FARSB: variants seen among roughly 807,000 people sequenced by gnomAD.
The protein encoded by FARSB is phenylalanine--tRNA ligase beta subunit.
A neutral mutation model predicts 69.6 loss-of-function variants in FARSB; 40 were observed. The ratio of observed to expected loss-of-function variants is 0.57; its 90% CI spans 0.45 to 0.75. The LOEUF (loss-of-function observed/expected upper bound fraction) is 0.75. Among genes scored for constraint, FARSB ranks in the 30% least tolerant of loss-of-function variants. The pLI, the probability that FARSB is intolerant of heterozygous loss-of-function variation, is 0.00. For synonymous variants in FARSB, 235 were observed against 247.2 expected, an observed-to-expected ratio of 0.95 and a Z score of 0.46; for missense variants, 632 against 722.9, an observed-to-expected ratio of 0.87 and a Z score of 1.44.
At chr2:222,612,559 T>C (rs1226819112) in intron 15 of FARSB, among the ~76,000 whole-genome samples, 1 of 152,234 alleles carries the variant, frequency 6.6e-6, no homozygotes, top group Non-Finnish European at 1.5e-5. Context: ...TCTGGAGAAA[T>C]TGAGAATAAG....
At position 222,642,856 on chromosome 2, in the gene FARSB, T is replaced by A. The variant is rs1410648080; in HGVS notation, c.264A>T (p.Lys88Asn). 1 of 1,598,500 alleles carries A rather than the reference T, an allele frequency of 6.3e-7. No homozygotes were observed. Among genetic ancestry groups the A allele is most frequent in the Non-Finnish European group, 8.5e-7 (1 of 1,174,010 alleles). ...EGLVRGLQVF[K>N]ERIKAPVYKR... ...TAAGGAACATATTTCCTTACCTTTCTTTGAAGACCTGAAGTCCTCGAACCA... is the reference window on the plus strand; with the variant it reads ...TAAGGAACATATTTCCTTACCTTTCATTGAAGACCTGAAGTCCTCGAACCA... Residue 88 changes from lysine (K) to asparagine (N), a missense_variant, in exon 3 of 17, where the codon AAA (lysine) becomes AAT (asparagine). By Grantham distance (94) the Lys-to-Asn change is moderately conservative (BLOSUM62 0). Coordinates refer to ENST00000281828, the MANE Select transcript of FARSB (RefSeq NM_005687.5).
chr2:222,585,405 A>G (rs1236834075), intron 16 of FARSB, among the ~76,000 whole-genome samples: 1 of 152,228 alleles, frequency 6.6e-6, no homozygotes, highest in African/African-American at 2.4e-5. Flanking sequence ...TAAAACCACA[A>G]AGATGGGGAG....
chr2:222,580,858 CGG>C (rs1689949978), intron 16 of FARSB, among the ~76,000 whole-genome samples: 1 of 151,966 alleles, frequency 6.6e-6, no homozygotes, highest in African/African-American at 2.4e-5. Context: ...TATAGTGACT[CGG>C]AAGGGGGAAA....
rs1190787128 is a variant in FARSB at position 222,633,275 on chromosome 2, G to T, written c.639C>A (p.Ile213=). ...CTGGATACAGGGGTTTGTTTTCAAT[G>T]ATATGTAAATAATGTTTCAGGTGAT... The part of the protein sequence containing the change: ...TDNHLKHYLH[I]IENKPLYPVI... The change falls in exon 7 of 17, where the codon ATC becomes ATA. Residue 213 remains isoleucine, a synonymous_variant. Coordinates refer to ENST00000281828, the MANE Select transcript of FARSB (RefSeq NM_005687.5). 1.3e-6 allele frequency: 2 copies of T among 1,565,038 alleles called. No homozygotes were observed. Among genetic ancestry groups the T allele is most frequent in the South Asian group, 1.2e-5 (1 of 85,724 alleles).
intron 1 of FARSB, among the ~76,000 whole-genome samples, chr2:222,650,062 A>C (rs1691989638): frequency 6.6e-6 from 1 of 152,220 alleles, no homozygotes; most frequent in East Asian, 1.9e-4. Flanking sequence ...GTTAAGTACA[A>C]GGTACAGGGC....
At chr2:222,628,270 T>C (rs146944748) in intron 10 of FARSB, among the ~76,000 whole-genome samples, 2 of 152,166 alleles carry the variant, frequency 1.3e-5, no homozygotes, top group African/African-American at 4.8e-5. Context: ...CGACAATTTA[T>C]TGTATATTTT....
At chr2:222,580,203 C>T (rs535356088) in intron 16 of FARSB, among the ~76,000 whole-genome samples, 11 of 152,028 alleles carry the variant, frequency 7.2e-5, no homozygotes, top group South Asian at 4.1e-4. Flanking sequence ...TTTGTATTCA[C>T]GTGTCTAAAG....
At chr2:222,615,865 G>C (rs957750743) in intron 14 of FARSB, among the ~76,000 whole-genome samples, 9 of 152,214 alleles carry the variant, frequency 5.9e-5, no homozygotes, top group Admixed American at 5.9e-4. Context: ...TGGAGGGCAA[G>C]TGCCCAAACC....
intron 14 of FARSB, among the ~76,000 whole-genome samples, chr2:222,616,108 C>T (rs142063095): frequency 3.2e-4 from 48 of 152,200 alleles, no homozygotes; most frequent in Non-Finnish European, 2.9e-5. Context: ...GCCATTGGAA[C>T]ATATTCAGCA....
chr2:222,630,613 C>T (rs947283826), intron 8 of FARSB, among the ~76,000 whole-genome samples: 7 of 151,912 alleles, frequency 4.6e-5, no homozygotes, highest in African/African-American at 7.3e-5. Context: ...CTGGTACTTA[C>T]AAAGATTAAA....
chr2:222,640,875 A>C lies in FARSB; in HGVS notation c.326T>G (p.Ile109Ser). 1 of 1,554,234 alleles carries C rather than the reference A, an allele frequency of 6.4e-7. No homozygotes were observed. The highest frequency in any genetic ancestry group is 8.8e-7 in the Non-Finnish European group (1 of 1,135,090). ...TGTCCTTATTACCTCTTCTGTGATA[A>C]TCAATTTCTGGATTTTTCCATCAGG... ...VMPDGKIQKL[I>S]ITEETAKIRP... Residue 109 changes from isoleucine (I) to serine (S), a missense_variant, in exon 4 of 17, where the codon ATT becomes AGT. Transcript: ENST00000281828.
intron 15 of FARSB, among the ~76,000 whole-genome samples, chr2:222,608,011 C>T (rs1574928950): frequency 6.6e-6 from 1 of 151,926 alleles, no homozygotes; most frequent in African/African-American, 2.4e-5. Context: ...ATTATACTCA[C>T]GTTAGCAGAT....
At chr2:222,640,194 G>C (rs923725254) in intron 4 of FARSB, among the ~76,000 whole-genome samples, 10 of 152,168 alleles carry the variant, frequency 6.6e-5, no homozygotes, top group African/African-American at 2.4e-4. Context: ...ACATTTTTTA[G>C]AAGGGTAAGC....
chr2:222,655,870 C>CA, intron 1 of FARSB, 146 bp downstream of exon 1: 1 of 659,148 alleles, frequency 1.5e-6, no homozygotes, highest in Non-Finnish European at 2.8e-6. Context: ...GCCGGACCGC[C>CA]ACCATCATCG....
intron 5 of FARSB, among the ~76,000 whole-genome samples, chr2:222,639,357 A>G (rs1471983352): frequency 6.6e-6 from 1 of 152,218 alleles, no homozygotes; most frequent in Non-Finnish European, 1.5e-5. Flanking sequence ...ATTTACAAGC[A>G]GTAAAAGGTA....
intron 16 of FARSB, among the ~76,000 whole-genome samples, chr2:222,590,548 CA>C (rs377051875): frequency 0.06 from 6,807 of 114,002 alleles, 237 homozygotes; most frequent in African/African-American, 0.15. Flanking sequence ...CCTTTTAGGC[CA>C]AAAAAAAAAA....
intron 16 of FARSB, among the ~76,000 whole-genome samples, chr2:222,595,891 A>T (rs1690400195): frequency 6.6e-6 from 1 of 151,598 alleles, no homozygotes; most frequent in Admixed American, 6.6e-5. Context: ...ACAAAAAATG[A>T]AGGGGAAGAA....
In FARSB at chr2:222,567,030, A is replaced by G. The variant is rs1343352606; in HGVS notation, c.*4841T>C. ...GTGGCCACCATGTTGCTGTGTGGTC[A>G]TATCACCTCTTCTGTATGTGTGCGC... On this transcript the variant is annotated 3_prime_UTR_variant, in exon 17 of 17. Coordinates refer to ENST00000281828, the MANE Select transcript of FARSB (RefSeq NM_005687.5). 6.6e-6 allele frequency: 1 copy of G among 152,216 alleles called. No individual in the cohort carries two copies. Among genetic ancestry groups the G allele is most frequent in the African/African-American group, 2.4e-5 (1 of 41,442 alleles). The allele number at this position is 152,216 out of a possible 1,614,324, so 9.4% of individuals were successfully genotyped here. A position where few individuals can be genotyped will look rare whatever the true frequency, so the allele number is the denominator to read the frequency against.
At chr2:222,594,316 A>G (rs929055342) in intron 16 of FARSB, among the ~76,000 whole-genome samples, 16 of 152,072 alleles carry the variant, frequency 1.1e-4, no homozygotes, top group Admixed American at 6.6e-4. Flanking sequence ...TACTATTACT[A>G]TATGTATACA....
Sources: gnomAD v4.1 joint callset for allele counts (sites outside exome capture counted in the v4.1 genomes callset) on GRCh38, gnomAD v4.1.1 for gene constraint, MANE v1.5 for transcripts, NCBI Gene and HGNC (gene_info 2026-07-23, HGNC 2026-07-21) for gene names.